The following GABRA3 variants were observed in gnomAD, a reference collection of about 807,000 sequenced individuals.
GABRA3 encodes gamma-aminobutyric acid receptor subunit alpha-3.
In GABRA3, 10 loss-of-function variants were observed where a neutral mutation model predicts 30.1. That is an observed-to-expected ratio of 0.33 (90% CI 0.20 to 0.56). The LOEUF is 0.56. Among genes scored for constraint, GABRA3 ranks in the 20% least tolerant of loss-of-function variants. The pLI is 0.89. For missense variants in GABRA3, 233 were observed against 392.0 expected (o/e 0.59, Z 3.42); for synonymous variants, 151 against 146.8 (o/e 1.03, Z -0.21).
intron 9 of GABRA3, among the ~76,000 whole-genome samples, chrX:152,170,401 A>G (rs937949832): frequency 9.0e-6 from 1 of 111,220 alleles, no homozygotes; most frequent in Non-Finnish European, 1.9e-5. Context: ...ACAGTCTTGA[A>G]CTCCTGGGCT....
intron 5 of GABRA3, among the ~76,000 whole-genome samples, chrX:152,236,482 T>A (rs1344600223): frequency 2.1e-5 from 2 of 93,554 alleles, no homozygotes; most frequent in Non-Finnish European, 4.2e-5. Flanking sequence ...TATAGCAGCA[T>A]GATTTATAGT....
chrX:152,209,361 G>A (rs998020681), intron 6 of GABRA3, among the ~76,000 whole-genome samples: 1 of 111,195 alleles, frequency 9.0e-6, no homozygotes, highest in Non-Finnish European at 1.9e-5. Flanking sequence ...TCTTTCCACC[G>A]TGGATTTTAT....
chrX:152,446,424 A>C (rs917399707), intron 1 of GABRA3, among the ~76,000 whole-genome samples: 99 of 111,013 alleles, frequency 8.9e-4, no homozygotes, highest in Non-Finnish European at 5.3e-4. Context: ...TGTATGCAAG[A>C]AATAAATTAG....
intron 7 of GABRA3, among the ~76,000 whole-genome samples, chrX:152,199,169 A>G (rs1044021488): frequency 3.6e-5 from 4 of 110,366 alleles, no homozygotes; most frequent in East Asian, 5.7e-4. Context: ...GATCGAGACC[A>G]TCCTGGCTAA....
chrX:152,353,815 T>A (rs944605155), intron 2 of GABRA3, among the ~76,000 whole-genome samples: 2 of 110,789 alleles, frequency 1.8e-5, no homozygotes, highest in African/African-American at 6.6e-5. Context: ...AAATTCAGTA[T>A]CAGCCATACT....
chrX:152,175,967 G>A (rs750261192), intron 9 of GABRA3, among the ~76,000 whole-genome samples: 25 of 109,878 alleles, frequency 2.3e-4, no homozygotes, highest in Non-Finnish European at 4.2e-4. Context: ...AGGAAGCTGA[G>A]GCAGAAGAAT....
intron 9 of GABRA3, among the ~76,000 whole-genome samples, chrX:152,176,923 G>T (rs989082192): frequency 1.8e-5 from 2 of 111,576 alleles, no homozygotes; most frequent in African/African-American, 3.3e-5. Context: ...TGACTGAGCT[G>T]CCCTGAAATG....
intron 8 of GABRA3, among the ~76,000 whole-genome samples, chrX:152,194,000 A>G (rs1228964235): frequency 8.9e-6 from 1 of 112,079 alleles, no homozygotes; most frequent in African/African-American, 3.2e-5. Context: ...CGCCTCAAAA[A>G]ATAAAATAAA....
At chrX:152,443,493 AC>A (rs1322730673) in intron 1 of GABRA3, among the ~76,000 whole-genome samples, 2 of 111,782 alleles carry the variant, frequency 1.8e-5, no homozygotes, top group African/African-American at 6.5e-5. Context: ...AATTCATTCA[AC>A]AAATATTTAG....
intron 1 of GABRA3, among the ~76,000 whole-genome samples, chrX:152,378,788 C>A (rs1481267072): frequency 9.1e-6 from 1 of 110,380 alleles, no homozygotes; most frequent in South Asian, 3.8e-4. Context: ...ATATCTAACA[C>A]ATAAGAAAAC....
At chrX:152,373,629 T>G (rs1430665234) in intron 1 of GABRA3, among the ~76,000 whole-genome samples, 2 of 112,084 alleles carry the variant, frequency 1.8e-5, no homozygotes, top group East Asian at 5.6e-4. Context: ...GCATTTCTTT[T>G]TTTTTATTAT....
At chrX:152,321,132 A>C (rs1370661789) in intron 3 of GABRA3, among the ~76,000 whole-genome samples, 2 of 111,351 alleles carry the variant, frequency 1.8e-5, no homozygotes. Flanking sequence ...CAAGGTGGAG[A>C]ATAAGAAGGA....
chrX:152,250,851 G>A (rs977122850), intron 5 of GABRA3, among the ~76,000 whole-genome samples: 2 of 110,549 alleles, frequency 1.8e-5, no homozygotes, highest in Non-Finnish European at 3.8e-5. Context: ...GATTCCTGAG[G>A]GTCAAAATAA....
At chrX:152,185,948 A>G (rs1413026214) in intron 9 of GABRA3, among the ~76,000 whole-genome samples, 1 of 111,954 alleles carries the variant, frequency 8.9e-6, no homozygotes, top group Non-Finnish European at 1.9e-5. Context: ...GATTTAGCAA[A>G]TGTTAATATT....
intron 5 of GABRA3, among the ~76,000 whole-genome samples, chrX:152,244,290 G>A (rs954192763): frequency 8.9e-6 from 1 of 111,842 alleles, no homozygotes; most frequent in Non-Finnish European, 1.9e-5. Context: ...TGGTCTGAAT[G>A]TTTGTGTCCC....
intron 6 of GABRA3, among the ~76,000 whole-genome samples, chrX:152,220,455 C>T (rs1937810257): frequency 9.0e-6 from 1 of 111,452 alleles, no homozygotes; most frequent in South Asian, 3.7e-4. Flanking sequence ...TCAATCCATT[C>T]TGATGGACAT....
At chrX:152,169,383 T>A (rs1936975644) in intron 9 of GABRA3, among the ~76,000 whole-genome samples, 1 of 112,230 alleles carries the variant, frequency 8.9e-6, no homozygotes, top group South Asian at 3.7e-4. Context: ...GATGCGGAGT[T>A]GCTATGTCAC....
At chrX:152,169,834 A>T (rs984911992) in intron 9 of GABRA3, among the ~76,000 whole-genome samples, 1 of 110,279 alleles carries the variant, frequency 9.1e-6, no homozygotes, top group South Asian at 3.9e-4. Context: ...TTCACTTCCT[A>T]CTTGTTTTCT....
rs141268647 is a variant in GABRA3, at chrX:152,286,446, G to A, written c.263-1711C>T. Among the ~76,000 whole-genome samples the A allele has an allele frequency of 5.1e-3, 561 of 110,692 alleles. 4 individuals are homozygous for A. Among genetic ancestry groups the A allele is most frequent in the African/African-American group, 0.018 (535 of 30,505 alleles). ...CAGCCCAGCATAGCTGACCTGAATT[G>A]AGCACACTAGTAACACAGCTAACAG... On this transcript the variant is annotated intron_variant, in intron 3 of 9. Coordinates refer to ENST00000370314, the MANE Select transcript of GABRA3 (RefSeq NM_000808.4).
Sources: gnomAD v4.1 joint callset for allele counts (sites outside exome capture counted in the v4.1 genomes callset) on GRCh38, gnomAD v4.1.1 for gene constraint, MANE v1.5 for transcripts, NCBI Gene and HGNC (gene_info 2026-07-23, HGNC 2026-07-21) for gene names.